NKAIN3: variants seen among roughly 807,000 people sequenced by gnomAD.
NKAIN3 encodes the protein sodium/potassium-transporting ATPase subunit beta-1-interacting protein 3.
A neutral mutation model predicts 30.2 loss-of-function variants in NKAIN3; 25 were observed. The observed-to-expected ratio is 0.83, with a 90% CI of 0.60 to 1.16. The LOEUF (loss-of-function observed/expected upper bound fraction) is 1.16, where lower values mean the gene tolerates loss of function less well. Ranked by LOEUF, NKAIN3 falls within the 50% of genes most tolerant of loss-of-function variation. The pLI is 0.00. For missense variants in NKAIN3, 225 were observed against 254.1 expected (o/e 0.89, Z 0.78); for synonymous variants, 91 against 89.6 (o/e 1.02, Z -0.09).
chr8:62,943,184 C>A (rs1173048373), intron 5 of NKAIN3, among the ~76,000 whole-genome samples: 1 of 151,466 alleles, frequency 6.6e-6, no homozygotes, highest in African/African-American at 2.4e-5. Flanking sequence ...CAAACTAATC[C>A]GCAGGAAAAA....
chr8:62,821,533 T>C (rs1350840463), intron 4 of NKAIN3, among the ~76,000 whole-genome samples: 1 of 152,148 alleles, frequency 6.6e-6, no homozygotes, highest in Non-Finnish European at 1.5e-5. Flanking sequence ...GGGAACTCTT[T>C]GGGCAAGAAA....
At position 62,450,584 on chromosome 8, in the gene NKAIN3, T is replaced by C. The variant is rs144902199; in HGVS notation, c.55-128955T>C. Among the ~76,000 whole-genome samples, 128 of 152,354 alleles carry C rather than the reference T, an allele frequency of 8.4e-4. 1 individual carries two copies. Among genetic ancestry groups the C allele is most frequent in the African/African-American group, 2.8e-3 (115 of 41,580 alleles). On this transcript the variant is annotated intron_variant, in intron 1 of 6. Transcript: ENST00000623646. ...CTGCTCAGTGAGGGAGTACTATTAC[T>C]ATCTTCACTCTACAGATGAAGAACA...
At chr8:62,396,623 T>C (rs1817775334) in intron 1 of NKAIN3, among the ~76,000 whole-genome samples, 1 of 152,186 alleles carries the variant, frequency 6.6e-6, no homozygotes, top group South Asian at 2.1e-4. Flanking sequence ...TTGATGTGTG[T>C]GTTAACTTTC....
intron 1 of NKAIN3, among the ~76,000 whole-genome samples, chr8:62,254,932 G>T (rs1338193562): frequency 6.6e-6 from 1 of 152,190 alleles, no homozygotes; most frequent in East Asian, 1.9e-4. Flanking sequence ...AGTTAACAGA[G>T]CATTTTGTTT....
intron 6 of NKAIN3, among the ~76,000 whole-genome samples, chr8:62,960,936 A>G (rs886425762): frequency 6.6e-6 from 1 of 152,166 alleles, no homozygotes; most frequent in Non-Finnish European, 1.5e-5. Flanking sequence ...GGATCCCCAA[A>G]ATCGAAGTAT....
At chr8:62,783,078 A>AAAGAT in intron 4 of NKAIN3, among the ~76,000 whole-genome samples, 1 of 152,132 alleles carries the variant, frequency 6.6e-6, no homozygotes, top group South Asian at 2.1e-4. Context: ...TGTATTAATA[A>AAAGAT]AAGATAAAAT....
intron 3 of NKAIN3, among the ~76,000 whole-genome samples, chr8:62,686,135 T>C (rs889888332): frequency 2.6e-5 from 4 of 152,138 alleles, no homozygotes; most frequent in South Asian, 4.1e-4. Context: ...CCCAGTCTGC[T>C]CCTAGCAAAT....
intron 3 of NKAIN3, among the ~76,000 whole-genome samples, chr8:62,684,611 T>C (rs1395251049): frequency 6.6e-6 from 1 of 152,168 alleles, no homozygotes; most frequent in East Asian, 1.9e-4. Flanking sequence ...ACACCTCTGT[T>C]CTCAGATATA....
chr8:62,681,329 C>A (rs1288221702), intron 3 of NKAIN3, among the ~76,000 whole-genome samples: 1 of 152,176 alleles, frequency 6.6e-6, no homozygotes. Context: ...CTTTCACATT[C>A]CCTTTCCCTT....
At chr8:62,773,641 T>C (rs1032805888) in intron 4 of NKAIN3, among the ~76,000 whole-genome samples, 2 of 152,210 alleles carry the variant, frequency 1.3e-5, no homozygotes, top group East Asian at 1.9e-4. Flanking sequence ...GCTGTTCTCA[T>C]GATAGTGAAT....
intron 1 of NKAIN3, among the ~76,000 whole-genome samples, chr8:62,411,757 A>G (rs1356588557): frequency 3.4e-5 from 5 of 147,672 alleles, no homozygotes; most frequent in Non-Finnish European, 6.0e-5. Context: ...CTATACAACA[A>G]TAATTCCTGG....
At chr8:62,845,497 G>C (rs962673515) in intron 4 of NKAIN3, among the ~76,000 whole-genome samples, 1 of 151,612 alleles carries the variant, frequency 6.6e-6, no homozygotes, top group African/African-American at 2.4e-5. Flanking sequence ...AACTGGAACA[G>C]AGCAAATATA....
chr8:62,455,353 T>C (rs554530480), intron 1 of NKAIN3, among the ~76,000 whole-genome samples: 3 of 152,292 alleles, frequency 2.0e-5, no homozygotes, highest in Non-Finnish European at 4.4e-5. Flanking sequence ...AGGAACAAAA[T>C]CATGTCCTTT....
chr8:62,816,609 G>T (rs1348281710), intron 4 of NKAIN3, among the ~76,000 whole-genome samples: 1 of 152,130 alleles, frequency 6.6e-6, no homozygotes, highest in Non-Finnish European at 1.5e-5. Context: ...CACTATGCTG[G>T]ATCACTTGTG....
At chr8:62,690,241 A>T (rs1586092670) in intron 3 of NKAIN3, among the ~76,000 whole-genome samples, 1 of 152,136 alleles carries the variant, frequency 6.6e-6, no homozygotes, top group East Asian at 1.9e-4. Flanking sequence ...CACCATCATG[A>T]GGTTTCTCCC....
intron 3 of NKAIN3, among the ~76,000 whole-genome samples, chr8:62,641,361 G>T (rs1812303516): frequency 6.6e-6 from 1 of 152,136 alleles, no homozygotes; most frequent in Non-Finnish European, 1.5e-5. Context: ...GGAACAGAAG[G>T]ATTTTTTGAT....
intron 6 of NKAIN3, among the ~76,000 whole-genome samples, chr8:62,960,571 CCT>C (rs1823542916): frequency 1.3e-5 from 2 of 151,702 alleles, no homozygotes; most frequent in South Asian, 4.2e-4. Flanking sequence ...GAGAAAGTAT[CCT>C]CTGATTTTAA....
At chr8:62,743,038 A>G (rs1044720236) in intron 3 of NKAIN3, among the ~76,000 whole-genome samples, 1 of 152,108 alleles carries the variant, frequency 6.6e-6, no homozygotes. Flanking sequence ...CACCCCTATG[A>G]CTCAATTACC....
At chr8:62,314,880 A>G (rs984121838) in intron 1 of NKAIN3, among the ~76,000 whole-genome samples, 1 of 152,154 alleles carries the variant, frequency 6.6e-6, no homozygotes, top group African/African-American at 2.4e-5. Context: ...CACTGAACCT[A>G]ATATTCTCCT....
Sources: gnomAD v4.1 joint callset for allele counts (sites outside exome capture counted in the v4.1 genomes callset) on GRCh38, gnomAD v4.1.1 for gene constraint, MANE v1.5 for transcripts, NCBI Gene and HGNC (gene_info 2026-07-23, HGNC 2026-07-21) for gene names.